PRKD3: variants seen among roughly 807,000 people sequenced by gnomAD.
The protein encoded by PRKD3 is protein kinase D3, also known as serine/threonine-protein kinase D3.
PRKD3 carries 47 observed loss-of-function variants against 99.2 expected under a neutral mutation model. The ratio of observed to expected loss-of-function variants is 0.47; its 90% CI spans 0.38 to 0.60. The LOEUF is 0.60. Ranked by LOEUF, PRKD3 falls within the 20% of genes least tolerant of loss-of-function variation. The pLI is 0.00. For missense variants in PRKD3, 1,019 were observed against 1,088.4 expected (o/e 0.94, Z 0.90); for synonymous variants, 392 against 355.4 (o/e 1.10, Z -1.16).
intron 12 of PRKD3, among the ~76,000 whole-genome samples, chr2:37,269,939 G>C (rs1669113508): frequency 6.6e-6 from 1 of 152,130 alleles, no homozygotes; most frequent in Admixed American, 6.5e-5. Context: ...TAAAAATCTT[G>C]TATTTAGGCC....
chr2:37,282,607 T>C lies in PRKD3; in HGVS notation c.923A>G (p.Asn308Ser), dbSNP rs74599711. 6.3e-7 allele frequency: 1 copy of C among 1,598,358 alleles called. No individual in the cohort carries two copies. Among genetic ancestry groups the C allele is most frequent in the Non-Finnish European group, 8.6e-7 (1 of 1,165,896 alleles). The change falls in exon 7 of 19, where the codon AAC becomes AGC. Residue 308 changes from asparagine (N) to serine (S), a missense_variant. This residue lies in a region of PRKD3 where 710 missense variants were observed against 692.7 expected (regional missense o/e 1.02). Coordinates refer to ENST00000234179, the MANE Select transcript of PRKD3 (RefSeq NM_005813.6). ...QGMQCKDCKF[N>S]CHKRCASKVP... ...TTTTGATGCACAGCGTTTATGGCAG[T>C]TGAATTTGCAATCTAAAATGAAAAT...
intron 9 of PRKD3, 59 bp from the exon 10 acceptor site, chr2:37,275,903 T>C: frequency 5.2e-6 from 8 of 1,545,744 alleles, no homozygotes; most frequent in Non-Finnish European, 7.0e-6. Context: ...AAAGTGCTTG[T>C]ACCTAACTTT....
chr2:37,299,743 T>A (rs564894329), intron 2 of PRKD3, among the ~76,000 whole-genome samples: 9 of 152,058 alleles, frequency 5.9e-5, no homozygotes, highest in African/African-American at 9.7e-5. Context: ...ATAATACATT[T>A]CTCAAAAGAA....
At chr2:37,274,938 C>G (rs1669485525) in intron 10 of PRKD3, among the ~76,000 whole-genome samples, 1 of 152,078 alleles carries the variant, frequency 6.6e-6, no homozygotes, top group Non-Finnish European at 1.5e-5. Context: ...CATTAGGATG[C>G]AAGGAAGAAG....
chr2:37,319,810 T>C (rs1420226107), intron 1 of PRKD3, among the ~76,000 whole-genome samples: 2 of 151,678 alleles, frequency 1.3e-5, no homozygotes, highest in African/African-American at 2.4e-5. Context: ...GTGATAAAAA[T>C]GTGCTTAACA....
chr2:37,269,739 C>T (rs753623069), intron 12 of PRKD3, 52 bp from the exon 13 acceptor site: 1 of 1,282,906 alleles, frequency 7.8e-7, no homozygotes, highest in Non-Finnish European at 1.1e-6. Flanking sequence ...AATACAATGT[C>T]AACATCTCTG....
At chr2:37,301,157 C>A (rs1280937434) in intron 2 of PRKD3, among the ~76,000 whole-genome samples, 3 of 152,068 alleles carry the variant, frequency 2.0e-5, no homozygotes, top group Admixed American at 6.5e-5. Context: ...CCAATTACTC[C>A]TCAGAATGAT....
rs1437180990 is a variant in PRKD3 at position 37,282,734 on chromosome 2, AAAT to A, written c.911-118_911-116del. The stretch of plus-strand genomic sequence containing the variant: ...AATATTATTAGTAATGATGATATTA[AAAT>A]AATAACCACCTACAAGTCACTTTAG... On this transcript the variant is annotated intron_variant, in intron 6 of 18. Coordinates refer to ENST00000234179, the MANE Select transcript of PRKD3 (RefSeq NM_005813.6). 2.4e-4 allele frequency: 180 copies of A among 744,804 alleles called. 2 individuals carry two copies. In the East Asian group the frequency reaches 4.3e-3, roughly 18 times the overall value. The allele number at this position is 744,804 out of a possible 1,614,324, so 46.1% of individuals were successfully genotyped here.
At chr2:37,314,114 AAAGAT>A (rs1572704096) in intron 2 of PRKD3, among the ~76,000 whole-genome samples, 1 of 152,162 alleles carries the variant, frequency 6.6e-6, no homozygotes, top group East Asian at 1.9e-4. Flanking sequence ...TTTCTCGAGA[AAAGAT>A]AAGAGAAAGT....
intron 2 of PRKD3, among the ~76,000 whole-genome samples, chr2:37,301,787 T>C (rs1426141775): frequency 6.6e-6 from 1 of 152,230 alleles, no homozygotes; most frequent in Non-Finnish European, 1.5e-5. Flanking sequence ...GCAGAGGTGA[T>C]GACATGTTTA....
intron 5 of PRKD3, among the ~76,000 whole-genome samples, chr2:37,288,799 C>T (rs766080229): frequency 5.3e-5 from 8 of 152,050 alleles, no homozygotes; most frequent in Non-Finnish European, 1.0e-4. Context: ...CTCATGCCTG[C>T]GATCCCAGAA....
intron 13 of PRKD3, chr2:37,268,355 C>G (rs1212489072): frequency 4.2e-6 from 2 of 470,884 alleles, no homozygotes; most frequent in East Asian, 7.0e-5. Context: ...GATGTAACTA[C>G]TCTTAAAACT....
At position 37,274,676 on chromosome 2, in the gene PRKD3, G is replaced by C; in HGVS notation, c.1396C>G (p.Leu466Val). The C allele has an allele frequency of 6.2e-7, 1 of 1,613,138 alleles. No individual in the cohort carries two copies. Among genetic ancestry groups the C allele is most frequent in the Non-Finnish European group, 8.5e-7 (1 of 1,179,390 alleles). Reference protein sequence around the residue: ...YYKEIPLSEILRISSPRDFTN... With the variant: ...YYKEIPLSEIVRISSPRDFTN... The stretch of plus-strand genomic sequence containing the variant: ...AAATCTCGTGGTGAAGATATGCGGA[G>C]AATTTCTGAAAGTGGAATTTCCTGA... Residue 466 changes from leucine (L) to valine (V), a missense_variant, in exon 11 of 19, where the codon CTC (leucine) becomes GTC (valine). Coordinates refer to ENST00000234179, the MANE Select transcript of PRKD3 (RefSeq NM_005813.6).
intron 18 of PRKD3, 102 bp from the exon 19 acceptor site, chr2:37,253,452 C>CA (rs1328911694): frequency 9.5e-6 from 9 of 942,672 alleles, no homozygotes; most frequent in Non-Finnish European, 1.1e-5. Context: ...GTGCCCTAGT[C>CA]AAATAATTGA....
At chr2:37,303,107 G>A (rs898658720) in intron 2 of PRKD3, among the ~76,000 whole-genome samples, 2 of 152,118 alleles carry the variant, frequency 1.3e-5, no homozygotes, top group Non-Finnish European at 2.9e-5. Flanking sequence ...CTGGAGAGAG[G>A]TGACTTGACA....
At chr2:37,302,672 G>A (rs1670988008) in intron 2 of PRKD3, among the ~76,000 whole-genome samples, 1 of 151,990 alleles carries the variant, frequency 6.6e-6, no homozygotes, top group African/African-American at 2.4e-5. Context: ...CTTTAACAAT[G>A]GTTTCTGAAT....
chr2:37,315,189 A>G (rs1671605282), intron 2 of PRKD3, among the ~76,000 whole-genome samples: 1 of 152,202 alleles, frequency 6.6e-6, no homozygotes, highest in Non-Finnish European at 1.5e-5. Context: ...TACTAAAAAT[A>G]AAATATAACC....
Position 37,269,639 on chromosome 2 carries a change from C to G in PRKD3, c.1753G>C (p.Gly585Arg). The G allele has an allele frequency of 6.2e-7, 1 of 1,613,216 alleles. No individual in the cohort carries two copies. The highest frequency in any genetic ancestry group is 1.1e-5 in the South Asian group (1 of 91,066). Residue 585 changes from glycine (G) to arginine (R), a missense_variant, in exon 13 of 19, where the codon GGC becomes CGC. Physicochemically the swap from Gly to Arg is moderately radical, Grantham distance 125 (BLOSUM62 -2). Around this residue, in one of 3 missense-constraint regions of PRKD3, gnomAD observed 184 missense variants for 275.1 expected, o/e 0.67. Transcript: ENST00000234179. ...CCTCCATAAACGATGCCAAACTGGCCTGAACCAAGCACCTCATCTGCAAAG... is the reference window on the plus strand; with the variant it reads ...CCTCCATAAACGATGCCAAACTGGCGTGAACCAAGCACCTCATCTGCAAAG... ...QIFADEVLGS[G>R]QFGIVYGGKH...
At chr2:37,322,119 T>C (rs551843832) in intron 1 of PRKD3, among the ~76,000 whole-genome samples, 1 of 152,348 alleles carries the variant, frequency 6.6e-6, no homozygotes, top group East Asian at 1.9e-4. Flanking sequence ...TTAATATTAG[T>C]ATTCTTTTAC....
Sources: gnomAD v4.1 joint callset for allele counts (sites outside exome capture counted in the v4.1 genomes callset) on GRCh38, gnomAD v4.1.1 for gene constraint, gnomAD v4.1.1 regional missense constraint, MANE v1.5 for transcripts, NCBI Gene and HGNC (gene_info 2026-07-23, HGNC 2026-07-21) for gene names.